Variants in ESF1 observed in about 807,000 individuals in gnomAD.
The protein encoded by ESF1 is ESF1 homolog.
In ESF1, 58 loss-of-function variants were observed where a neutral mutation model predicts 92.0. That is an observed-to-expected ratio of 0.63 (90% CI 0.51 to 0.78). The LOEUF is 0.78. Ranked by LOEUF, ESF1 falls within the 30% of genes least tolerant of loss-of-function variation. The pLI is 0.00. For synonymous variants in ESF1, 321 were observed against 313.7 expected (o/e 1.02, Z -0.24); for missense variants, 922 against 989.1 (o/e 0.93, Z 0.91).
In ESF1 at chr20:13,777,634, C is replaced by T. The variant is rs541230044; in HGVS notation, c.638-1364G>A. On this transcript the variant is annotated intron_variant, in intron 2 of 13. Transcript: ENST00000617257. ...GGTCTTGAACTTTGTAATCAACTGT[C>T]ATGATTAGCAATACACCAAGATTGA... Among the ~76,000 whole-genome samples, 6 of 152,242 alleles carry T rather than the reference C, an allele frequency of 3.9e-5. No homozygotes were observed. In the East Asian group the frequency reaches 5.8e-4, roughly 15 times the overall value.
intron 2 of ESF1, among the ~76,000 whole-genome samples, chr20:13,780,017 C>T (rs2147450898): frequency 6.6e-6 from 1 of 152,300 alleles, no homozygotes; most frequent in African/African-American, 2.4e-5. Context: ...CCCTTGCACA[C>T]AGTAATTGCT....
chr20:13,746,906 C>A (rs916899305), intron 9 of ESF1, among the ~76,000 whole-genome samples: 2 of 152,096 alleles, frequency 1.3e-5, no homozygotes, highest in Admixed American at 6.6e-5. Context: ...AACCATAATT[C>A]CTCTACTTTT....
intron 4 of ESF1, 133 bp downstream of exon 4, chr20:13,775,024 C>G (rs1328402889): frequency 8.6e-6 from 5 of 579,040 alleles, no homozygotes; most frequent in Non-Finnish European, 6.0e-6. Context: ...ACATAAGTTT[C>G]ACACTCAATT....
At position 13,782,856 on chromosome 20, in the gene ESF1, CTTT is replaced by C. The variant is rs767241771; in HGVS notation, c.282_284del (p.Ile94_Lys95delinsMet). 6.2e-7 allele frequency: 1 copy of C among 1,600,368 alleles called. No homozygotes were observed. The highest frequency in any genetic ancestry group is 1.8e-5 in the Admixed American group (1 of 56,722). ...CTTTTTTAGTCTGGGTTTTTTTCTT[CTTT>C]ATTTTCTTTTGACTCAATGCTTTGC... is the stretch of plus-strand genomic sequence containing the variant. On this transcript the variant is annotated inframe_deletion, in exon 2 of 14. Transcript: ENST00000617257.
intron 6 of ESF1, 115 bp downstream of exon 6, chr20:13,771,216 A>C: frequency 9.7e-7 from 1 of 1,034,834 alleles, no homozygotes; most frequent in Non-Finnish European, 1.4e-6. Context: ...GTTAACCGAA[A>C]AGCAAAAAAA....
intron 9 of ESF1, among the ~76,000 whole-genome samples, chr20:13,756,498 G>A (rs1207896834): frequency 6.6e-6 from 1 of 152,116 alleles, no homozygotes; most frequent in Non-Finnish European, 1.5e-5. Context: ...AAAGCAATTT[G>A]GCAATAACTT....
intron 11 of ESF1, among the ~76,000 whole-genome samples, chr20:13,725,312 A>G (rs1384380665): frequency 1.3e-5 from 2 of 152,196 alleles, no homozygotes; most frequent in African/African-American, 4.8e-5. Flanking sequence ...GTATCTTAGT[A>G]ACTTCTTTTC....
At chr20:13,762,853 A>ATTTTTT in intron 8 of ESF1, 1 of 278,444 alleles carries the variant, frequency 3.6e-6, no homozygotes, top group Non-Finnish European at 6.9e-6. Flanking sequence ...TATTTATTAA[A>ATTTTTT]GTTTTTTTTT....
intron 2 of ESF1, among the ~76,000 whole-genome samples, chr20:13,779,222 A>C (rs568704089): frequency 6.6e-6 from 1 of 152,260 alleles, no homozygotes; most frequent in African/African-American, 2.4e-5. Context: ...AAAAAACAAA[A>C]AAAAACCAAA....
chr20:13,781,275 T>C (rs1047600904), intron 2 of ESF1, among the ~76,000 whole-genome samples: 2 of 152,136 alleles, frequency 1.3e-5, no homozygotes, highest in Non-Finnish European at 2.9e-5. Flanking sequence ...AATATGAAAA[T>C]AGTATTAGTA....
At chr20:13,747,579 C>A (rs752640621) in intron 9 of ESF1, among the ~76,000 whole-genome samples, 4 of 142,176 alleles carry the variant, frequency 2.8e-5, no homozygotes, top group Non-Finnish European at 4.5e-5. Context: ...GCCGACAGAG[C>A]GAGACTCAGT....
At chr20:13,758,538 T>A (rs7270315) in intron 9 of ESF1, among the ~76,000 whole-genome samples, 2,470 of 152,174 alleles carry the variant, frequency 0.016, 73 homozygotes, top group African/African-American at 0.055. Context: ...AAATACCCTA[T>A]TTTTTTCCCA....
At position 13,775,855 on chromosome 20, in the gene ESF1, G is replaced by A; in HGVS notation, c.1035+18C>T. On this transcript the variant is annotated intron_variant, in intron 3 of 13. Transcript: ENST00000617257. ...TACTGTGTTTTTCACAAATAATCTT[G>A]TTTATTCAAAAGGTTACCTCATCAG... 6.4e-7 allele frequency: 1 copy of A among 1,568,874 alleles called. No individual in the cohort carries two copies. Among genetic ancestry groups the A allele is most frequent in the South Asian group, 1.2e-5 (1 of 81,736 alleles).
At chr20:13,773,091 C>T (rs181449576) in intron 4 of ESF1, among the ~76,000 whole-genome samples, 81 of 152,268 alleles carry the variant, frequency 5.3e-4, no homozygotes, top group African/African-American at 1.7e-3. Context: ...ACAGAACTGA[C>T]GACAACCTTA....
intron 11 of ESF1, among the ~76,000 whole-genome samples, chr20:13,726,105 T>C (rs1482831124): frequency 2.0e-5 from 3 of 152,168 alleles, no homozygotes; most frequent in African/African-American, 7.2e-5. Flanking sequence ...ACCATTATCT[T>C]TGGTCTAGAG....
chr20:13,730,108 T>C (rs2049931013), intron 10 of ESF1, among the ~76,000 whole-genome samples: 1 of 152,140 alleles, frequency 6.6e-6, no homozygotes, highest in Admixed American at 6.5e-5. Flanking sequence ...GTTTTGCTCT[T>C]GTTGCCCAGG....
chr20:13,750,709 T>TG (rs1978593689), intron 9 of ESF1, among the ~76,000 whole-genome samples: 1 of 152,240 alleles, frequency 6.6e-6, no homozygotes, highest in Non-Finnish European at 1.5e-5. Context: ...CAGGGCATGG[T>TG]GGCTCATGCC....
chr20:13,729,257 A>AAAAC (rs946038088), intron 10 of ESF1, among the ~76,000 whole-genome samples: 2 of 152,364 alleles, frequency 1.3e-5, no homozygotes, highest in East Asian at 1.9e-4. Context: ...ACTCCGTCTC[A>AAAAC]AAACAAACAA....
chr20:13,734,448 T>C lies in ESF1; in HGVS notation c.1829-606A>G, dbSNP rs554737958. 1.3e-3 allele frequency among the ~76,000 whole-genome samples: 191 copies of C among 152,336 alleles called. 2 individuals are homozygous for C. The highest frequency in any genetic ancestry group is 0.01 in the Middle Eastern group (3 of 294). ...GATCAGAAGGACCACCAAGTTCAGA[T>C]TCCATTTCATCATATGGTTTAGCTC... On this transcript the variant is annotated intron_variant, in intron 9 of 13. Coordinates refer to ENST00000617257, the MANE Select transcript of ESF1 (RefSeq NM_001276380.2).
Sources: gnomAD v4.1 joint callset for allele counts (sites outside exome capture counted in the v4.1 genomes callset) on GRCh38, gnomAD v4.1.1 for gene constraint, MANE v1.5 for transcripts, NCBI Gene and HGNC (gene_info 2026-07-23, HGNC 2026-07-21) for gene names.